CDK14: variants seen among roughly 807,000 people sequenced by gnomAD.
CDK14 encodes the protein cyclin-dependent kinase 14.
In CDK14, 34 loss-of-function variants were observed where a neutral mutation model predicts 60.7. The ratio of observed to expected loss-of-function variants is 0.56; its 90% CI spans 0.43 to 0.75. The LOEUF (loss-of-function observed/expected upper bound fraction) is 0.75, where lower values mean the gene tolerates loss of function less well. Among genes scored for constraint, CDK14 ranks in the 30% least tolerant of loss-of-function variants. The probability of loss-of-function intolerance (pLI) is 0.00; values close to 1 mark genes in which losing one functional copy is unlikely to be tolerated. For missense variants in CDK14, 482 were observed against 564.1 expected (o/e 0.85, Z 1.47); for synonymous variants, 197 against 203.7 (o/e 0.97, Z 0.28).
chr7:90,754,234 A>G (rs761265988), intron 4 of CDK14, among the ~76,000 whole-genome samples: 35 of 152,334 alleles, frequency 2.3e-4, no homozygotes, highest in Non-Finnish European at 4.3e-4. Flanking sequence ...AAACTATATT[A>G]TAAGGCTACA....
intron 5 of CDK14, among the ~76,000 whole-genome samples, chr7:90,809,293 A>G (rs1450598028): frequency 6.6e-6 from 1 of 152,216 alleles, no homozygotes; most frequent in African/African-American, 2.4e-5. Flanking sequence ...AGTGCAATCA[A>G]ACTAGAACTC....
chr7:90,946,738 T>C (rs1023916445), intron 8 of CDK14, among the ~76,000 whole-genome samples: 2 of 152,186 alleles, frequency 1.3e-5, no homozygotes, highest in Non-Finnish European at 2.9e-5. Flanking sequence ...TTACATGCCC[T>C]TTAGATTGGC....
chr7:91,033,341 C>A (rs1796816727), intron 10 of CDK14, among the ~76,000 whole-genome samples: 1 of 152,184 alleles, frequency 6.6e-6, no homozygotes, highest in East Asian at 1.9e-4. Flanking sequence ...CTCAACCCTT[C>A]CTTTACAAAT....
chr7:90,911,014 A>G (rs1259463087), intron 7 of CDK14, among the ~76,000 whole-genome samples: 1 of 152,076 alleles, frequency 6.6e-6, no homozygotes. Context: ...TCTCCCAAGT[A>G]TAAGTGAGAA....
At chr7:90,946,431 GAAAGA>G (rs1794101981) in intron 8 of CDK14, among the ~76,000 whole-genome samples, 1 of 152,008 alleles carries the variant, frequency 6.6e-6, no homozygotes, top group South Asian at 2.1e-4. Context: ...ATAGAATGAT[GAAAGA>G]AAAGAAAATA....
chr7:91,126,574 G>A (rs1799952530), intron 14 of CDK14, among the ~76,000 whole-genome samples: 2 of 152,274 alleles, frequency 1.3e-5, no homozygotes, highest in East Asian at 3.9e-4. Context: ...ATAGTGGCAG[G>A]AGAAATAAAA....
chr7:91,029,384 A>G (rs1474828761), intron 10 of CDK14, among the ~76,000 whole-genome samples: 1 of 152,034 alleles, frequency 6.6e-6, no homozygotes. Flanking sequence ...TAGGAATTGC[A>G]TTGACTCTAT....
intron 5 of CDK14, among the ~76,000 whole-genome samples, chr7:90,830,423 C>T (rs1789877620): frequency 1.3e-5 from 2 of 152,216 alleles, no homozygotes; most frequent in Admixed American, 1.3e-4. Flanking sequence ...CAAGGCTGCA[C>T]AGAACAGCAG....
At chr7:90,847,107 T>A (rs1434010862) in intron 5 of CDK14, among the ~76,000 whole-genome samples, 1 of 152,232 alleles carries the variant, frequency 6.6e-6, no homozygotes, top group Admixed American at 6.5e-5. Context: ...AACATTTCTC[T>A]AGGCAGGTTA....
chr7:91,129,624 G>T (rs1319123500), intron 14 of CDK14, among the ~76,000 whole-genome samples: 2 of 151,938 alleles, frequency 1.3e-5, no homozygotes, highest in Non-Finnish European at 2.9e-5. Flanking sequence ...TTCAGACTTG[G>T]GTATTTGGCA....
intron 8 of CDK14, among the ~76,000 whole-genome samples, chr7:90,921,272 T>G (rs867739969): frequency 1.6e-4 from 24 of 152,256 alleles, no homozygotes; most frequent in Middle Eastern, 3.4e-3. Flanking sequence ...TTGCCTTTCC[T>G]TTTGCTTGGG....
At chr7:90,603,619 G>C (rs11563833) in intron 1 of CDK14, among the ~76,000 whole-genome samples, 53,832 of 152,086 alleles carry the variant, frequency 0.35, 9,659 homozygotes, top group Non-Finnish European at 0.39. Context: ...TGGATTTAAA[G>C]TAAATTTGAA....
At chr7:90,649,780 G>T (rs1404518430) in intron 2 of CDK14, among the ~76,000 whole-genome samples, 9 of 152,062 alleles carry the variant, frequency 5.9e-5, no homozygotes, top group Non-Finnish European at 5.9e-5. Context: ...TCCCTGCAAA[G>T]GACGTGAACT....
At chr7:90,738,349 A>G (rs1079527) in intron 3 of CDK14, among the ~76,000 whole-genome samples, 139,099 of 152,174 alleles carry the variant, frequency 0.91, 63,693 homozygotes, top group East Asian at 1. Context: ...TTAAGGTCTG[A>G]TACATAATTA....
intron 11 of CDK14, among the ~76,000 whole-genome samples, chr7:91,072,289 G>A (rs1798171222): frequency 1.3e-5 from 2 of 152,112 alleles, no homozygotes; most frequent in Non-Finnish European, 2.9e-5. Context: ...TGCCCCTTGA[G>A]GTCAGATATC....
chr7:90,759,513 C>CT (rs1804229643), intron 4 of CDK14, among the ~76,000 whole-genome samples: 1 of 152,182 alleles, frequency 6.6e-6, no homozygotes, highest in African/African-American at 2.4e-5. Context: ...CCATGAATAC[C>CT]TGGTTGTTGA....
chr7:91,104,598 C>G (rs921727321), intron 12 of CDK14, among the ~76,000 whole-genome samples: 1 of 152,074 alleles, frequency 6.6e-6, no homozygotes, highest in Non-Finnish European at 1.5e-5. Context: ...TTTTGCTAAC[C>G]TCTCTCACCC....
At chr7:90,775,427 T>G (rs1177912598) in intron 4 of CDK14, among the ~76,000 whole-genome samples, 3 of 137,876 alleles carry the variant, frequency 2.2e-5, no homozygotes, top group African/African-American at 8.1e-5. Flanking sequence ...CTTTTCTGCT[T>G]TTCTAAAACA....
At chr7:90,839,050 T>G (rs537698857) in intron 5 of CDK14, among the ~76,000 whole-genome samples, 4 of 152,218 alleles carry the variant, frequency 2.6e-5, no homozygotes, top group Non-Finnish European at 5.9e-5. Context: ...GAGGCCCCGA[T>G]GTAAAATTTC....
Sources: allele counts gnomAD v4.1 joint callset (sites outside exome capture counted in the v4.1 genomes callset), GRCh38; gene constraint gnomAD v4.1.1; transcripts MANE v1.5; gene names NCBI Gene and HGNC (gene_info 2026-07-23, HGNC 2026-07-21).